The following CARD8 variants were observed in gnomAD, a reference collection of about 807,000 sequenced individuals.
The protein encoded by CARD8 is caspase recruitment domain family member 8, also known as caspase recruitment domain-containing protein 8.
CARD8 carries 38 observed loss-of-function variants against 53.2 expected under a neutral mutation model. The ratio of observed to expected loss-of-function variants is 0.71; its 90% confidence interval spans 0.55 to 0.94. The LOEUF (loss-of-function observed/expected upper bound fraction) is 0.94. Among genes scored for constraint, CARD8 ranks in the 40% least tolerant of loss-of-function variants. The pLI, the probability that CARD8 is intolerant of heterozygous loss-of-function variation, is 0.00. For missense variants in CARD8, 561 were observed against 655.5 expected (o/e 0.86, Z 1.57); for synonymous variants, 245 against 244.9 (o/e 1.00, Z 0.00).
chr19:48,216,905 A>G (rs1600127949), intron 12 of CARD8, among the ~76,000 whole-genome samples: 2 of 152,166 alleles, frequency 1.3e-5, no homozygotes, highest in African/African-American at 4.8e-5. Context: ...TGAAATAACT[A>G]TACAAACAAC....
Position 48,211,627 on chromosome 19 carries a change from T to C in CARD8, c.*83A>G. Reference sequence around the variant, plus strand: ...CCCAGTCTTCTTCTGTCTTGAACACTGAAATCAATGATCACATTTCTGTTT... The same window carrying C: ...CCCAGTCTTCTTCTGTCTTGAACACCGAAATCAATGATCACATTTCTGTTT... On this transcript the variant is annotated 3_prime_UTR_variant, in exon 14 of 14. Transcript: ENST00000651546. 1 of 1,374,342 alleles carries C rather than the reference T, an allele frequency of 7.3e-7. No homozygotes were observed. The highest frequency in any genetic ancestry group is 1.0e-6 in the Non-Finnish European group (1 of 993,996). The allele number at this position is 1,374,342 out of a possible 1,614,324, so 85.1% of individuals were successfully genotyped here.
chr19:48,254,681 T>A (rs565869569), intron 1 of CARD8, among the ~76,000 whole-genome samples: 1 of 152,208 alleles, frequency 6.6e-6, no homozygotes, highest in South Asian at 2.1e-4. Context: ...TCAGAGAAAC[T>A]TCTTGATCAC....
chr19:48,248,792 T>A (rs1285548957), intron 3 of CARD8, among the ~76,000 whole-genome samples: 1 of 152,234 alleles, frequency 6.6e-6, no homozygotes, highest in African/African-American at 2.4e-5. Context: ...ACAAACTGAA[T>A]GTCCATCATC....
At position 48,230,558 on chromosome 19, in the gene CARD8, G is replaced by A. The variant is rs751550629; in HGVS notation, c.915C>T (p.Ile305=). Residue 305 remains isoleucine, a synonymous_variant, in exon 10 of 14, where the codon ATC becomes ATT. Transcript: ENST00000651546. ...SFSLMGILLR[I]ASGTRLSIPI... is the part of the protein sequence containing the mutation. ...GGATGGAGAGGCGAGTCCCACTGGCGATCCGCAGCAGGATGCCCATCAGAG... is the reference window on the plus strand; with the variant it reads ...GGATGGAGAGGCGAGTCCCACTGGCAATCCGCAGCAGGATGCCCATCAGAG... The A allele has an allele frequency of 5.6e-6, 9 of 1,614,174 alleles. No individual in the cohort carries two copies. Among genetic ancestry groups the A allele is most frequent in the African/African-American group, 1.3e-5 (1 of 75,030 alleles).
chr19:48,249,768 C>T lies in CARD8; in HGVS notation c.-172G>A, dbSNP rs1284950965. ...GCGCTTACCATGTGAGTTTCAGGAG[C>T]CCCAGGGTGCAGGAAGGAGGAGCGG... On this transcript the variant is annotated 5_prime_UTR_variant, in exon 2 of 14. Transcript: ENST00000651546. The T allele has an allele frequency of 6.6e-6, 1 of 152,542 alleles. No individual in the cohort carries two copies. Among genetic ancestry groups the T allele is most frequent in the African/African-American group, 2.4e-5 (1 of 41,450 alleles). The allele number at this position is 152,542 out of a possible 1,614,324, so 9.4% of individuals were successfully genotyped here.
At chr19:48,214,810 C>T (rs1184655540) in intron 13 of CARD8, among the ~76,000 whole-genome samples, 4 of 92,990 alleles carry the variant, frequency 4.3e-5, no homozygotes, top group South Asian at 3.5e-4. Flanking sequence ...TTTTGTAGAC[C>T]GAGAGTCTTG....
In CARD8 at chr19:48,210,602, G is replaced by A. The variant is rs533235995; in HGVS notation, c.*1108C>T. 6.6e-6 allele frequency: 1 copy of A among 152,226 alleles called. No individual in the cohort carries two copies. Among genetic ancestry groups the A allele is most frequent in the East Asian group, 1.9e-4 (1 of 5,184 alleles). The allele number at this position is 152,226 out of a possible 1,614,324, so 9.4% of individuals were successfully genotyped here. A position where few individuals can be genotyped will look rare whatever the true frequency, so the allele number is the denominator to read the frequency against. ...GATCTAAATGGTGATAAAGTGCCTA[G>A]ATTCCACTTTAAGTGGTACAAATGT... On this transcript the variant is annotated 3_prime_UTR_variant, in exon 14 of 14. Transcript: ENST00000651546.
downstream of CARD8, among the ~76,000 whole-genome samples, chr19:48,205,537 A>G (rs749523759): frequency 6.6e-6 from 1 of 152,094 alleles, no homozygotes; most frequent in South Asian, 2.1e-4. Context: ...GCCCATATAC[A>G]ATTGTTAAAC....
At chr19:48,213,278 G>A (rs1389752467) in intron 13 of CARD8, 1 of 152,142 alleles carries the variant, frequency 6.6e-6, no homozygotes, top group Non-Finnish European at 1.5e-5. Context: ...TGGACATGAA[G>A]TCATCAGGAG....
In CARD8 at chr19:48,250,604, G is replaced by A. The variant is rs766974898; in HGVS notation, c.-251-757C>T. Among the ~76,000 whole-genome samples, 13 of 152,130 alleles carry A rather than the reference G, an allele frequency of 8.5e-5. 1 individual carries two copies. The highest frequency in any genetic ancestry group is 1.9e-4 in the Non-Finnish European group (13 of 68,034). On this transcript the variant is annotated intron_variant, in intron 1 of 13. Transcript: ENST00000651546. ...ATCAATCATTCTGTAATTAAGATTTGATGTCCCCTGATGCCAGCATGGACC... is the reference window on the plus strand; with the variant it reads ...ATCAATCATTCTGTAATTAAGATTTAATGTCCCCTGATGCCAGCATGGACC...
At position 48,215,408 on chromosome 19, in the gene CARD8, TGATGA is replaced by T. The variant is rs146641769; in HGVS notation, c.1304-29_1304-25del. 14,320 of 1,555,204 alleles carry T rather than the reference TGATGA, an allele frequency of 9.2e-3. 89 individuals are homozygous for T. Among genetic ancestry groups the T allele is most frequent in the Admixed American group, 0.023 (1,386 of 59,872 alleles). On this transcript the variant is annotated intron_variant, in intron 12 of 13. Coordinates refer to ENST00000651546, the MANE Select transcript of CARD8 (RefSeq NM_001184900.3). ...CACTACAAAAGAGGGAAAAATTATA[TGATGA>T]GATGAGATAAATCATGTACCCTTAT... is the stretch of plus-strand genomic sequence containing the variant.
At chr19:48,213,006 T>C (rs1239242064) in intron 13 of CARD8, 1 of 152,232 alleles carries the variant, frequency 6.6e-6, no homozygotes, top group African/African-American at 2.4e-5. Context: ...TTACACTGTG[T>C]GGAGCCTGAC....
chr19:48,229,134 C>T (rs2042358273), intron 10 of CARD8, among the ~76,000 whole-genome samples: 1 of 151,720 alleles, frequency 6.6e-6, no homozygotes, highest in African/African-American at 2.4e-5. Context: ...AAGACTCTGT[C>T]TCAAAAAAGA....
At chr19:48,214,532 G>A (rs138482176) in intron 13 of CARD8, among the ~76,000 whole-genome samples, 1 of 152,060 alleles carries the variant, frequency 6.6e-6, no homozygotes, top group African/African-American at 2.4e-5. Flanking sequence ...GTGAGCATGC[G>A]TATGACTCCA....
intron 3 of CARD8, among the ~76,000 whole-genome samples, chr19:48,245,535 T>G (rs2045964466): frequency 2.0e-5 from 3 of 152,018 alleles, no homozygotes; most frequent in Non-Finnish European, 2.9e-5. Context: ...TATACAAAAG[T>G]GAATAGCTTC....
At chr19:48,204,879 T>TA (rs1276291708), downstream of CARD8, among the ~76,000 whole-genome samples, 2 of 152,228 alleles carry the variant, frequency 1.3e-5, no homozygotes, top group Non-Finnish European at 2.9e-5. Context: ...CATTTAGTGA[T>TA]AGAGTTACCA....
intron 11 of CARD8, among the ~76,000 whole-genome samples, chr19:48,221,424 C>T (rs1052335758): frequency 7.2e-5 from 11 of 151,938 alleles, no homozygotes; most frequent in African/African-American, 2.7e-4. Context: ...ATATTAAGTG[C>T]GTTAGTTAGG....
rs1008651979 is a variant in CARD8 at position 48,233,152 on chromosome 19, G to A, written c.351-659C>T. On this transcript the variant is annotated intron_variant, in intron 6 of 13. Coordinates refer to ENST00000651546, the MANE Select transcript of CARD8 (RefSeq NM_001184900.3). ...AGTCTGGAGGTGGCACCAAAGCATC[G>A]GCGCTTTCAAAGCCTCACAGGTGAT... 9 of 354,024 alleles carry A rather than the reference G, an allele frequency of 2.5e-5. No homozygotes were observed. The East Asian group carries it at 3.0e-4, about 12-fold the overall frequency. 21.9% of individuals were successfully genotyped at this position (354,024 alleles called of 1,614,324 possible).
chr19:48,213,553 T>C (rs11667675), intron 13 of CARD8, among the ~76,000 whole-genome samples: 8,418 of 152,166 alleles, frequency 0.055, 304 homozygotes, highest in Non-Finnish European at 0.088. Context: ...TTTGTATTTT[T>C]AGTAGAGGCA....
Sources: gnomAD v4.1 joint callset for allele counts (sites outside exome capture counted in the v4.1 genomes callset) on GRCh38, gnomAD v4.1.1 for gene constraint, MANE v1.5 for transcripts, NCBI Gene and HGNC (gene_info 2026-07-23, HGNC 2026-07-21) for gene names.